The following EPHA4 variants were observed in gnomAD, a reference collection of about 807,000 sequenced individuals.
EPHA4 encodes EPH receptor A4.
In EPHA4, 19 loss-of-function variants were observed where a neutral mutation model predicts 108.3. That is an observed-to-expected ratio of 0.18 (90% confidence interval 0.12 to 0.26). EPHA4 has a LOEUF of 0.26. Among genes scored for constraint, EPHA4 ranks in the 10% least tolerant of loss-of-function variants. The pLI, the probability that EPHA4 is intolerant of heterozygous loss-of-function variation, is 1.00. For missense variants in EPHA4, 917 were observed against 1,254.0 expected (o/e 0.73, Z 4.06); for synonymous variants, 449 against 455.5 (o/e 0.99, Z 0.18).
At chr2:221,516,417 C>T (rs1490806085) in intron 3 of EPHA4, among the ~76,000 whole-genome samples, 6 of 148,818 alleles carry the variant, frequency 4.0e-5, no homozygotes, top group African/African-American at 7.5e-5. Flanking sequence ...TGCAGAGGCA[C>T]GATCTCGGCT....
At chr2:221,559,824 T>C (rs10498119) in intron 3 of EPHA4, among the ~76,000 whole-genome samples, 20,790 of 152,200 alleles carry the variant, frequency 0.14, 1,711 homozygotes, top group Non-Finnish European at 0.18. Flanking sequence ...TGCTAACTCC[T>C]GCGATACATT....
rs766879569 is a variant in EPHA4 at position 221,571,992 on chromosome 2, C to T, written c.91+166G>A. 5.9e-5 allele frequency among the ~76,000 whole-genome samples: 9 copies of T among 152,166 alleles called. No individual in the cohort carries two copies. Among genetic ancestry groups the T allele is most frequent in the Admixed American group, 1.3e-4 (2 of 15,282 alleles). On this transcript the variant is annotated intron_variant, in intron 1 of 17. Coordinates refer to ENST00000281821, the MANE Select transcript of EPHA4 (RefSeq NM_004438.5). The surrounding 1 kb of genome is among the most constrained non-coding windows in gnomAD (Gnocchi z 6.3). Reference sequence around the variant, plus strand: ...CGGGGCAGGCTGTCCGGCGGTTCCCCGCTGCCCCTTCGCCGATCCCCTCGC... The same window carrying T: ...CGGGGCAGGCTGTCCGGCGGTTCCCTGCTGCCCCTTCGCCGATCCCCTCGC...
chr2:221,566,969 G>GGAAGAGGAAGAAGAA lies in EPHA4; in HGVS notation c.159+1748_159+1749insTTCTTCTTCCTCTTC, dbSNP rs1694681667. ...GAGAAGGAGAAGGGGAAGAGGAAGA[G>GGAAGAGGAAGAAGAA]GAAGAAGAAGAAGAAGAAGAAGAAG... On this transcript the variant is annotated intron_variant, in intron 2 of 17. Transcript: ENST00000281821. Among the ~76,000 whole-genome samples, 37 of 27,646 alleles carry GGAAGAGGAAGAAGAA rather than the reference G, an allele frequency of 1.3e-3. 16 individuals are homozygous for GGAAGAGGAAGAAGAA. Among genetic ancestry groups the GGAAGAGGAAGAAGAA allele is most frequent in the South Asian group, 2.6e-3 (2 of 782 alleles). 18.1% of individuals were successfully genotyped at this position (27,646 alleles called of 152,430 possible). A position where few individuals can be genotyped will look rare whatever the true frequency, so the allele number is the denominator to read the frequency against.
In EPHA4 at chr2:221,419,840, T is replaced by C. The variant is rs1689698963; in HGVS notation, c.*1532A>G. On this transcript the variant is annotated 3_prime_UTR_variant, in exon 18 of 18. Coordinates refer to ENST00000281821, the MANE Select transcript of EPHA4 (RefSeq NM_004438.5). Reference sequence around the variant, plus strand: ...TCTCCAGGTCCACTGTATCATGTAGTTCTTCATCTTGAAACTGGTGGAAAA... The same window carrying C: ...TCTCCAGGTCCACTGTATCATGTAGCTCTTCATCTTGAAACTGGTGGAAAA... 6.6e-6 allele frequency: 1 copy of C among 152,600 alleles called. No homozygotes were observed. The highest frequency in any genetic ancestry group is 2.4e-5 in the African/African-American group (1 of 41,420). 9.5% of individuals were successfully genotyped at this position (152,600 alleles called of 1,614,324 possible).
chr2:221,490,408 G>T (rs147282194), intron 4 of EPHA4, among the ~76,000 whole-genome samples: 10 of 152,080 alleles, frequency 6.6e-5, no homozygotes, highest in Admixed American at 2.0e-4. Flanking sequence ...ATTTTTAATC[G>T]CCATTTTAAA....
At chr2:221,508,625 A>T (rs1692708833) in intron 3 of EPHA4, among the ~76,000 whole-genome samples, 1 of 151,878 alleles carries the variant, frequency 6.6e-6, no homozygotes, top group Admixed American at 6.6e-5. Context: ...AAGAAATCTG[A>T]CATGTTTGAA....
intron 3 of EPHA4, among the ~76,000 whole-genome samples, chr2:221,523,292 ATT>A (rs1175259687): frequency 6.8e-6 from 1 of 147,212 alleles, no homozygotes; most frequent in African/African-American, 2.5e-5. Context: ...TTAGTCAATA[ATT>A]TTTTTTTTTT....
At chr2:221,449,341 CA>C (rs1232308703) in intron 8 of EPHA4, among the ~76,000 whole-genome samples, 1 of 152,172 alleles carries the variant, frequency 6.6e-6, no homozygotes, top group Non-Finnish European at 1.5e-5. Flanking sequence ...TGCAGGAAGC[CA>C]CACTGCCTGA....
chr2:221,521,883 A>G (rs1284684250), intron 3 of EPHA4, among the ~76,000 whole-genome samples: 2 of 152,220 alleles, frequency 1.3e-5, no homozygotes, highest in Non-Finnish European at 2.9e-5. Context: ...AGGCTGAGGC[A>G]TGAGAATCGC....
chr2:221,420,623 G>T (rs1357916672), intron 17 of EPHA4, 71 bp from the exon 18 acceptor site: 1 of 152,170 alleles, frequency 6.6e-6, no homozygotes, highest in Non-Finnish European at 1.5e-5. Context: ...AACCACTATT[G>T]TAAGAAAGAA....
chr2:221,529,989 C>T (rs139672823), intron 3 of EPHA4, among the ~76,000 whole-genome samples: 7 of 152,154 alleles, frequency 4.6e-5, no homozygotes, highest in African/African-American at 9.6e-5. Context: ...ATTCAGAAAG[C>T]GAAATTATTT....
chr2:221,430,896 T>C (rs925445164), intron 14 of EPHA4, among the ~76,000 whole-genome samples: 2 of 152,358 alleles, frequency 1.3e-5, no homozygotes, highest in East Asian at 3.9e-4. Context: ...TGGTACATGA[T>C]AATTGTCTTA....
At chr2:221,479,114 G>A (rs905873771) in intron 5 of EPHA4, among the ~76,000 whole-genome samples, 4 of 152,202 alleles carry the variant, frequency 2.6e-5, no homozygotes, top group Admixed American at 1.3e-4. Flanking sequence ...TCCATGCCCA[G>A]ATACTCACAT....
At position 221,571,787 on chromosome 2, in the gene EPHA4, C is replaced by T. The variant is rs1285090314; in HGVS notation, c.91+371G>A. 6.6e-6 allele frequency among the ~76,000 whole-genome samples: 1 copy of T among 152,198 alleles called. No homozygotes were observed. Among genetic ancestry groups the T allele is most frequent in the Non-Finnish European group, 1.5e-5 (1 of 68,040 alleles). ...CACTGTGCTCCAGGCTGCGTTTTCC[C>T]CTCGCCCCGGGCTGGCTCAGGAGAG... On this transcript the variant is annotated intron_variant, in intron 1 of 17. Coordinates refer to ENST00000281821, the MANE Select transcript of EPHA4 (RefSeq NM_004438.5). The surrounding 1 kb of genome is among the most constrained non-coding windows in gnomAD (Gnocchi z 6.3).
At chr2:221,470,585 T>G (rs1691451267) in intron 5 of EPHA4, among the ~76,000 whole-genome samples, 3 of 79,534 alleles carry the variant, frequency 3.8e-5, no homozygotes, top group Non-Finnish European at 7.5e-5. Context: ...ACCTCTGCTT[T>G]TCCCTAAAGT....
At chr2:221,434,849 C>T (rs1009038949) in intron 13 of EPHA4, among the ~76,000 whole-genome samples, 1 of 151,692 alleles carries the variant, frequency 6.6e-6, no homozygotes, top group African/African-American at 2.4e-5. Flanking sequence ...GATACTAGAG[C>T]TATTAATGAC....
intron 14 of EPHA4, 65 bp downstream of exon 14, chr2:221,434,069 CTCCATCAT>C: frequency 6.7e-7 from 1 of 1,500,042 alleles, no homozygotes; most frequent in Non-Finnish European, 9.0e-7. Context: ...CCCGTGCCCA[CTCCATCAT>C]ACAGTAATGC....
At chr2:221,568,326 CT>C (rs67512379) in intron 2 of EPHA4, among the ~76,000 whole-genome samples, 2,762 of 151,454 alleles carry the variant, frequency 0.018, 77 homozygotes, top group African/African-American at 0.063. Flanking sequence ...TTTATTTATT[CT>C]TTTTTTTTCA....
chr2:221,480,680 C>T (rs369314352), intron 5 of EPHA4, among the ~76,000 whole-genome samples: 2 of 152,124 alleles, frequency 1.3e-5, no homozygotes, highest in South Asian at 2.1e-4. Flanking sequence ...AAGACAAAGG[C>T]CTAGCTGGAT....
Sources: allele counts gnomAD v4.1 joint callset (sites outside exome capture counted in the v4.1 genomes callset), GRCh38; gene constraint gnomAD v4.1.1; non-coding constraint Gnocchi (gnomAD v3.1); transcripts MANE v1.5; gene names NCBI Gene and HGNC (gene_info 2026-07-23, HGNC 2026-07-21).